The following TBC1D14 variants were observed in gnomAD, a reference collection of about 807,000 sequenced individuals.
TBC1D14 encodes the protein TBC1 domain family member 14, also known as TBC1 domain family, member 14.
TBC1D14 carries 26 observed loss-of-function variants against 79.0 expected under a neutral mutation model. The ratio of observed to expected loss-of-function variants is 0.33; its 90% CI spans 0.24 to 0.46. The LOEUF is 0.46. TBC1D14 is among the 20% of genes least tolerant of loss of function. The pLI is 1.00. For missense variants in TBC1D14, 769 were observed against 887.6 expected (o/e 0.87, Z 1.70); for synonymous variants, 394 against 349.9 (o/e 1.13, Z -1.40).
At chr4:6,969,631 T>A (rs1444683271) in intron 3 of TBC1D14, among the ~76,000 whole-genome samples, 1 of 152,084 alleles carries the variant, frequency 6.6e-6, no homozygotes, top group Non-Finnish European at 1.5e-5. Flanking sequence ...GGTCTCAATC[T>A]CCTGACCTTG....
rs181961732 is a variant in TBC1D14, at chr4:7,012,032, G to A, written c.1647+1251G>A. ...AAGCTGTTGGTTGGCCGGGCATGGT[G>A]GCTTACGCCTGTAATCCCAGCACTT... On this transcript the variant is annotated intron_variant, in intron 11 of 13. Coordinates refer to ENST00000409757, the MANE Select transcript of TBC1D14 (RefSeq NM_020773.3). Among the ~76,000 whole-genome samples, 36 of 152,074 alleles carry A rather than the reference G, an allele frequency of 2.4e-4. 1 individual carries two copies. The East Asian group carries it at 6.8e-3, about 29-fold the overall frequency.
chr4:7,009,998 T>C (rs1221383005), intron 10 of TBC1D14, 50 bp downstream of exon 10: 1 of 1,598,708 alleles, frequency 6.3e-7, no homozygotes. Flanking sequence ...AAAAAGAAAG[T>C]CAGATATTGT....
At chr4:6,931,006 T>C (rs1415888485) in intron 2 of TBC1D14, among the ~76,000 whole-genome samples, 1 of 152,066 alleles carries the variant, frequency 6.6e-6, no homozygotes, top group Non-Finnish European at 1.5e-5. Context: ...GTTCAAACGC[T>C]TCTCCTGCCT....
rs143180283 is a variant in TBC1D14, at chr4:6,999,936, C to T, written c.1163+734C>T. Among the ~76,000 whole-genome samples the T allele has an allele frequency of 8.4e-3, 1,274 of 152,186 alleles. 30 individuals are homozygous for T. The highest frequency in any genetic ancestry group is 7.2e-3 in the Non-Finnish European group (488 of 68,010). On this transcript the variant is annotated intron_variant, in intron 6 of 13. Transcript: ENST00000409757. ...CTTGTTTTTATTCTCGTGTTCAGAA[C>T]GGTGGGGGCCAGTGTGCGGGCAGAA... is the stretch of plus-strand genomic sequence containing the variant.
chr4:6,935,505 C>G (rs1413170003), intron 2 of TBC1D14, among the ~76,000 whole-genome samples: 10 of 152,050 alleles, frequency 6.6e-5, no homozygotes, highest in African/African-American at 2.2e-4. Flanking sequence ...CTTGCAGGCA[C>G]TCTCGTGCGT....
At chr4:6,995,320 C>G (rs1271064093) in intron 4 of TBC1D14, 3 of 152,180 alleles carry the variant, frequency 2.0e-5, no homozygotes, top group Non-Finnish European at 2.9e-5. Context: ...TGTCTTCATA[C>G]ATACATGTAA....
At chr4:6,961,342 T>G (rs1715171202) in intron 2 of TBC1D14, among the ~76,000 whole-genome samples, 1 of 152,160 alleles carries the variant, frequency 6.6e-6, no homozygotes, top group Admixed American at 6.5e-5. Flanking sequence ...GCCAGCACCT[T>G]TCAGGGCACC....
chr4:6,993,383 G>A (rs143606167), intron 3 of TBC1D14, among the ~76,000 whole-genome samples: 1,842 of 152,328 alleles, frequency 0.012, 16 homozygotes, highest in Middle Eastern at 0.037. Flanking sequence ...GTGGGTCACC[G>A]GGTGTGAATG....
chr4:6,989,804 C>CT (rs1407431527), intron 3 of TBC1D14, among the ~76,000 whole-genome samples: 3 of 152,128 alleles, frequency 2.0e-5, no homozygotes, highest in Non-Finnish European at 2.9e-5. Context: ...GCCTCCCTGC[C>CT]TTTTTTCTTC....
At chr4:6,979,286 A>G (rs1717139391) in intron 3 of TBC1D14, among the ~76,000 whole-genome samples, 2 of 152,212 alleles carry the variant, frequency 1.3e-5, no homozygotes, top group African/African-American at 2.4e-5. Context: ...ATCTGAACAC[A>G]GCAGTTGTGT....
chr4:6,909,768 G>C (rs1396087487), upstream of TBC1D14: 1 of 147,348 alleles, frequency 6.8e-6, no homozygotes, highest in Non-Finnish European at 1.5e-5. Context: ...GGGGGCGGGC[G>C]AGGGGGCGGG....
rs1229883684 is a variant in TBC1D14 at position 6,994,366 on chromosome 4, G to A, written c.962+64G>A. The A allele has an allele frequency of 8.9e-6, 13 of 1,464,468 alleles. No homozygotes were observed. The Admixed American group carries it at 1.9e-4, about 21-fold the overall frequency. 90.7% of individuals were successfully genotyped at this position (1,464,468 alleles called of 1,614,324 possible). A position where few individuals can be genotyped will look rare whatever the true frequency, so the allele number is the denominator to read the frequency against. On this transcript the variant is annotated intron_variant, in intron 4 of 13. Transcript: ENST00000409757. ...GGAAATAAGTACAACTTGCTAAGCA[G>A]CTTTTCATTAGAGAAAAACTAGGGT...
At chr4:6,988,242 G>T (rs936501099) in intron 3 of TBC1D14, among the ~76,000 whole-genome samples, 3 of 152,208 alleles carry the variant, frequency 2.0e-5, no homozygotes, top group African/African-American at 7.2e-5. Flanking sequence ...TCAGTTTCGT[G>T]CCCTTTTCCA....
chr4:6,978,179 G>T (rs1206915604), intron 3 of TBC1D14, among the ~76,000 whole-genome samples: 1 of 148,376 alleles, frequency 6.7e-6, no homozygotes, highest in Non-Finnish European at 1.5e-5. Context: ...GCCTCTGCCC[G>T]GCCGCCCCTA....
At chr4:6,956,915 G>C (rs562066149) in intron 2 of TBC1D14, among the ~76,000 whole-genome samples, 3 of 152,358 alleles carry the variant, frequency 2.0e-5, no homozygotes. Context: ...GAGTGGGATG[G>C]ACAGCCAGTA....
chr4:6,935,537 C>T (rs1017391473), intron 2 of TBC1D14, among the ~76,000 whole-genome samples: 2 of 152,076 alleles, frequency 1.3e-5, no homozygotes, highest in African/African-American at 4.8e-5. Context: ...CTCCTTCCCT[C>T]TATCTCTCCC....
chr4:6,988,695 C>T (rs1258399595), intron 3 of TBC1D14, among the ~76,000 whole-genome samples: 1 of 152,120 alleles, frequency 6.6e-6, no homozygotes, highest in African/African-American at 2.4e-5. Flanking sequence ...GACTGATGAC[C>T]CTTTCCTCTT....
At chr4:7,000,074 C>G (rs1034681559) in intron 6 of TBC1D14, among the ~76,000 whole-genome samples, 5 of 152,290 alleles carry the variant, frequency 3.3e-5, no homozygotes, top group Non-Finnish European at 7.4e-5. Flanking sequence ...AGGGTCTCCA[C>G]TAGGAAAATA....
At chr4:6,912,100 TAA>T (rs1172274335) in intron 1 of TBC1D14, among the ~76,000 whole-genome samples, 8 of 152,094 alleles carry the variant, frequency 5.3e-5, no homozygotes, top group Non-Finnish European at 1.0e-4. Flanking sequence ...CACGTATAAA[TAA>T]AGTTTCAGCT....
Sources: gnomAD v4.1 joint callset for allele counts (sites outside exome capture counted in the v4.1 genomes callset) on GRCh38, gnomAD v4.1.1 for gene constraint, MANE v1.5 for transcripts, NCBI Gene and HGNC (gene_info 2026-07-23, HGNC 2026-07-21) for gene names.